The following GFRA2 variants were observed in gnomAD, a reference collection of about 807,000 sequenced individuals.
GFRA2 encodes GDNF family receptor alpha 2.
Under a neutral mutation model 48.3 loss-of-function variants are expected in GFRA2, and 17 were observed. The observed-to-expected ratio is 0.35, with a 90% CI of 0.24 to 0.53. GFRA2 has a LOEUF of 0.53. Ranked by LOEUF, GFRA2 falls within the 20% of genes least tolerant of loss-of-function variation. GFRA2 has a pLI of 0.93. For synonymous variants in GFRA2, 305 were observed against 257.2 expected, an observed-to-expected ratio of 1.19 and a Z score of -1.78; for missense variants, 660 against 637.3, an observed-to-expected ratio of 1.04 and a Z score of -0.38.
chr8:21,808,957 G>A lies in GFRA2; in HGVS notation c.-148+3274C>T, dbSNP rs75539247. Among the ~76,000 whole-genome samples the A allele has an allele frequency of 2.0e-5, 3 of 152,186 alleles. No homozygotes were observed. In the East Asian group the frequency reaches 5.8e-4, roughly 29 times the overall value. On this transcript the variant is annotated intron_variant, in intron 1 of 10. Transcript: ENST00000517328. ...TTATTTCTACCTCTTTTTATCACGG[G>A]TATTTTTAGAAGCTGCCTCAAATGC... is the stretch of plus-strand genomic sequence containing the variant.
intron 2 of GFRA2, among the ~76,000 whole-genome samples, chr8:21,776,660 G>A (rs1003963448): frequency 2.0e-5 from 3 of 151,924 alleles, no homozygotes; most frequent in Non-Finnish European, 2.9e-5. Flanking sequence ...TAGTAGAGAT[G>A]GGGTTTCACC....
intron 7 of GFRA2, among the ~76,000 whole-genome samples, chr8:21,697,262 G>T (rs561217743): frequency 1.3e-4 from 19 of 146,820 alleles, no homozygotes; most frequent in African/African-American, 4.3e-4. Context: ...ATAGCAGGAG[G>T]GGAGGGGACA....
intron 4 of GFRA2, among the ~76,000 whole-genome samples, chr8:21,728,138 T>C (rs1276828172): frequency 1.3e-5 from 2 of 152,006 alleles, no homozygotes; most frequent in East Asian, 3.9e-4. Context: ...CCCAGTGCCA[T>C]AGGGTGTGCC....
intron 3 of GFRA2, among the ~76,000 whole-genome samples, chr8:21,770,949 G>T (rs944152015): frequency 7.9e-5 from 12 of 152,270 alleles, no homozygotes; most frequent in Non-Finnish European, 1.5e-4. Flanking sequence ...CATTCACAGG[G>T]TCATGGAGCC....
At chr8:21,743,734 G>T (rs1184692184) in intron 4 of GFRA2, among the ~76,000 whole-genome samples, 1 of 152,170 alleles carries the variant, frequency 6.6e-6, no homozygotes, top group African/African-American at 2.4e-5. Flanking sequence ...CATCCATGCT[G>T]CCCCTCCTAT....
At chr8:21,798,542 G>A (rs986782847) in intron 2 of GFRA2, among the ~76,000 whole-genome samples, 1 of 152,194 alleles carries the variant, frequency 6.6e-6, no homozygotes, top group African/African-American at 2.4e-5. Context: ...AGCTGACCAT[G>A]TGACTTTAGT....
At chr8:21,759,433 A>AGAGGGAGGGAGAGAGGGAGAGAGG (rs1805767713) in intron 3 of GFRA2, among the ~76,000 whole-genome samples, 1 of 78,760 alleles carries the variant, frequency 1.3e-5, no homozygotes, top group Non-Finnish European at 2.4e-5. Flanking sequence ...AAAGAGGGAA[A>AGAGGGAGGGAGAGAGGGAGAGAGG]GAGGGAGGGA....
chr8:21,696,176 C>A, intron 7 of GFRA2, among the ~76,000 whole-genome samples: 1 of 125,666 alleles, frequency 8.0e-6, no homozygotes, highest in Non-Finnish European at 1.7e-5. Context: ...CCCTCTTTCT[C>A]CCCTCCCCTC....
At chr8:21,756,261 G>A (rs544808555) in intron 3 of GFRA2, among the ~76,000 whole-genome samples, 3 of 152,190 alleles carry the variant, frequency 2.0e-5, no homozygotes, top group South Asian at 2.1e-4. Context: ...GGGGCAGAAC[G>A]TGTAAACTCC....
intron 7 of GFRA2, among the ~76,000 whole-genome samples, chr8:21,701,940 G>A (rs1368308766): frequency 6.6e-6 from 1 of 152,166 alleles, no homozygotes; most frequent in Non-Finnish European, 1.5e-5. Context: ...TGGGAAGGTT[G>A]CCAGCATCCT....
chr8:21,720,170 C>T (rs755473106), intron 4 of GFRA2, among the ~76,000 whole-genome samples: 2 of 152,024 alleles, frequency 1.3e-5, no homozygotes, highest in Non-Finnish European at 2.9e-5. Flanking sequence ...TGACACATAA[C>T]GTATGGAGAA....
chr8:21,700,940 C>T (rs1490988561), intron 7 of GFRA2, among the ~76,000 whole-genome samples: 4 of 152,114 alleles, frequency 2.6e-5, no homozygotes, highest in Non-Finnish European at 5.9e-5. Context: ...CAAAGCCACT[C>T]AATCAGAGAT....
chr8:21,712,295 C>T (rs569181315), intron 4 of GFRA2, among the ~76,000 whole-genome samples: 1,716 of 150,826 alleles, frequency 0.011, 22 homozygotes, highest in African/African-American at 0.04. Context: ...GCAGACAGGG[C>T]GGCCGGGCAG....
At chr8:21,779,938 C>G (rs1806891844) in intron 2 of GFRA2, among the ~76,000 whole-genome samples, 1 of 151,996 alleles carries the variant, frequency 6.6e-6, no homozygotes, top group African/African-American at 2.4e-5. Context: ...TGCCCTGGAC[C>G]CAGCCCCTCC....
chr8:21,713,344 C>T (rs577476293), intron 4 of GFRA2, among the ~76,000 whole-genome samples: 23 of 151,846 alleles, frequency 1.5e-4, no homozygotes, highest in Middle Eastern at 3.2e-3. Context: ...TACAGGTGTG[C>T]GCCACCATGC....
At chr8:21,796,998 C>T (rs1402653826) in intron 2 of GFRA2, among the ~76,000 whole-genome samples, 1 of 152,208 alleles carries the variant, frequency 6.6e-6, no homozygotes, top group Non-Finnish European at 1.5e-5. Flanking sequence ...ATAGTCCAGG[C>T]ATCAAGTGAT....
At chr8:21,763,302 T>TTG (rs2117654977) in intron 3 of GFRA2, among the ~76,000 whole-genome samples, 2 of 152,298 alleles carry the variant, frequency 1.3e-5, no homozygotes, top group South Asian at 4.1e-4. Context: ...GGGCAGCTCA[T>TTG]GGATGGCTGG....
rs189013983 is a variant in GFRA2, at chr8:21,760,486, T to C, written c.440-9544A>G. 5.6e-4 allele frequency among the ~76,000 whole-genome samples: 85 copies of C among 152,254 alleles called. 1 individual carries two copies. In the East Asian group the frequency reaches 0.011, roughly 20 times the overall value. ...GAAATCAAGAAAACCTCTTGGATTTTTGGCCTGAGCACCAAGTAGATGGAG... is the reference window on the plus strand; with the variant it reads ...GAAATCAAGAAAACCTCTTGGATTTCTGGCCTGAGCACCAAGTAGATGGAG... On this transcript the variant is annotated intron_variant, in intron 3 of 8. Coordinates refer to ENST00000524240, the MANE Select transcript of GFRA2 (RefSeq NM_001495.5).
intron 4 of GFRA2, among the ~76,000 whole-genome samples, chr8:21,740,603 T>C (rs1437849594): frequency 6.6e-6 from 1 of 152,190 alleles, no homozygotes; most frequent in East Asian, 1.9e-4. Flanking sequence ...ACTGACAGGG[T>C]GCCAGGCAGG....
Sources: gnomAD v4.1 joint callset for allele counts (sites outside exome capture counted in the v4.1 genomes callset) on GRCh38, gnomAD v4.1.1 for gene constraint, MANE v1.5 for transcripts, NCBI Gene and HGNC (gene_info 2026-07-23, HGNC 2026-07-21) for gene names.